ANKK1: variants seen among roughly 807,000 people sequenced by gnomAD.
ANKK1 encodes the protein ankyrin repeat and protein kinase domain-containing protein 1.
ANKK1 carries 37 observed loss-of-function variants against 37.6 expected under a neutral mutation model. That is an observed-to-expected ratio of 0.98 (90% confidence interval 0.76 to 1.29). The LOEUF is 1.29. ANKK1 is among the 50% of genes most tolerant of loss of function. The pLI is 0.00. For synonymous variants in ANKK1, 415 were observed against 418.7 expected, an observed-to-expected ratio of 0.99 and a Z score of 0.11; for missense variants, 1,019 against 990.6, an observed-to-expected ratio of 1.03 and a Z score of -0.39.
At chr11:113,394,282 C>T (rs972709930) in intron 2 of ANKK1, among the ~76,000 whole-genome samples, 1 of 152,148 alleles carries the variant, frequency 6.6e-6, no homozygotes, top group African/African-American at 2.4e-5. Context: ...TTCACTGTAC[C>T]TCTGATTCTC....
At chr11:113,396,432 T>C (rs910589419) in intron 5 of ANKK1, among the ~76,000 whole-genome samples, 1 of 151,328 alleles carries the variant, frequency 6.6e-6, no homozygotes, top group Non-Finnish European at 1.5e-5. Flanking sequence ...CTCAAACTCC[T>C]GGGCTCAAGA....
At chr11:113,388,205 A>T (rs1950561797) in intron 1 of ANKK1, 136 bp downstream of exon 1, 1 of 1,206,142 alleles carries the variant, frequency 8.3e-7, no homozygotes, top group African/African-American at 1.6e-5. Flanking sequence ...TCTGAATTCC[A>T]CCCAGTAGCC....
intron 4 of ANKK1, among the ~76,000 whole-genome samples, 169 bp downstream of exon 4, chr11:113,395,577 A>G (rs1950631349): frequency 6.6e-6 from 1 of 151,874 alleles, no homozygotes; most frequent in African/African-American, 2.4e-5. Flanking sequence ...TCCTGCCTCT[A>G]TTTCTAGAGC....
At position 113,393,465 on chromosome 11, in the gene ANKK1, C is replaced by T; in HGVS notation, c.186-16C>T. 1 of 1,599,818 alleles carries T rather than the reference C, an allele frequency of 6.3e-7. No individual in the cohort carries two copies. The highest frequency in any genetic ancestry group is 1.1e-5 in the South Asian group (1 of 88,734). Reference sequence around the variant, plus strand: ...ATGGGTCACCCCCTTCCATATCTTGCTCCCCCTCTCCATAGCTCTGATGTG... The same window carrying T: ...ATGGGTCACCCCCTTCCATATCTTGTTCCCCCTCTCCATAGCTCTGATGTG... On this transcript the variant is annotated splice_polypyrimidine_tract_variant and intron_variant, in intron 1 of 7. Coordinates refer to ENST00000303941, the MANE Select transcript of ANKK1 (RefSeq NM_178510.2).
intron 3 of ANKK1, 132 bp downstream of exon 3, chr11:113,395,212 T>A: frequency 6.7e-7 from 1 of 1,491,286 alleles, no homozygotes; most frequent in South Asian, 1.3e-5. Flanking sequence ...GGACTCTGGC[T>A]GGAGAGGCAG....
intron 5 of ANKK1, 84 bp downstream of exon 5, chr11:113,396,306 G>T: frequency 6.6e-7 from 1 of 1,514,368 alleles, no homozygotes; most frequent in Non-Finnish European, 8.9e-7. Flanking sequence ...TGGGAGCTAT[G>T]CAGAGAGACA....
chr11:113,392,724 C>T (rs1325035902), intron 1 of ANKK1, among the ~76,000 whole-genome samples: 1 of 152,164 alleles, frequency 6.6e-6, no homozygotes, highest in Non-Finnish European at 1.5e-5. Context: ...TCCAATTCAA[C>T]AAAGATGTAT....
rs748510327 is a variant in ANKK1, at chr11:113,395,069, T to A, written c.621T>A (p.Tyr207Ter). 1 of 1,609,920 alleles carries A rather than the reference T, an allele frequency of 6.2e-7. No individual in the cohort carries two copies. Among genetic ancestry groups the A allele is most frequent in the East Asian group, 2.2e-5 (1 of 44,800 alleles). Reference protein sequence around the residue: ...LESNKAPGPKYDVYSFAIVIW... With the variant: ...LESNKAPGPK ...GTAACAAGGCCCCAGGACCTAAATA[T>A]GATGTGTACAGGTGAGAAGGAGGCC... Residue 207 changes from tyrosine (Y) to a stop codon, truncating the protein, a stop_gained, in exon 3 of 8, where the codon TAT (tyrosine) becomes TAA (stop). Coordinates refer to ENST00000303941, the MANE Select transcript of ANKK1 (RefSeq NM_178510.2). LOFTEE classifies it high-confidence loss of function.
intron 1 of ANKK1, 48 bp from the exon 2 acceptor site, chr11:113,393,433 G>C: frequency 6.4e-7 from 1 of 1,559,568 alleles, no homozygotes; most frequent in African/African-American, 1.4e-5. Context: ...GGTTGCTGTA[G>C]TAATGAATGG....
intron 1 of ANKK1, among the ~76,000 whole-genome samples, chr11:113,390,476 C>G (rs531548268): frequency 1.3e-5 from 2 of 152,188 alleles, no homozygotes; most frequent in East Asian, 3.9e-4. Flanking sequence ...TGGTGGCTCA[C>G]GCTTGTAATC....
intron 1 of ANKK1, among the ~76,000 whole-genome samples, chr11:113,393,223 T>C (rs905300406): frequency 2.0e-5 from 3 of 152,206 alleles, no homozygotes; most frequent in African/African-American, 7.2e-5. Flanking sequence ...CCTGCTTTTT[T>C]GTGGCCACCT....
rs1950610965 is a variant in ANKK1, at chr11:113,393,744, A to C, written c.449A>C (p.Asn150Thr). ...PLLHLDLKPG[N>T]ILLDSNMHVK... ...CTCCACCTGGACCTCAAGCCGGGCA[A>C]CATACTCCTGGACAGCAACATGCAT... Residue 150 changes from asparagine (N) to threonine (T), a missense_variant, in exon 2 of 8, where the codon AAC (asparagine) becomes ACC (threonine). Asn to Thr is a moderately conservative substitution (Grantham distance 65, BLOSUM62 0). Coordinates refer to ENST00000303941, the MANE Select transcript of ANKK1 (RefSeq NM_178510.2). 1 of 1,611,858 alleles carries C rather than the reference A, an allele frequency of 6.2e-7. No homozygotes were observed. The highest frequency in any genetic ancestry group is 1.7e-5 in the Admixed American group (1 of 59,990).
intron 4 of ANKK1, 88 bp from the exon 5 acceptor site, chr11:113,395,976 CTGT>C: frequency 6.8e-7 from 1 of 1,472,676 alleles, no homozygotes; most frequent in Non-Finnish European, 9.3e-7. Flanking sequence ...CGTGCATGCC[CTGT>C]TGGGATCCTC....
intron 4 of ANKK1, 98 bp from the exon 5 acceptor site, chr11:113,395,969 G>T (rs1950634347): frequency 7.1e-7 from 1 of 1,415,494 alleles, no homozygotes; most frequent in Non-Finnish European, 9.8e-7. Context: ...CCCACTGCGT[G>T]CATGCCCTGT....
chr11:113,399,409 G>T lies in ANKK1; in HGVS notation c.1440G>T (p.Leu480=). 6.2e-7 allele frequency: 1 copy of T among 1,600,602 alleles called. No homozygotes were observed. The change falls in exon 8 of 8, where the codon CTG becomes CTT. Residue 480 remains leucine (L), a synonymous_variant. Transcript: ENST00000303941. ...QNNFENVARL[L]VSRQADPNLH... ...ACTTTGAGAATGTGGCACGGCTTCT[G>T]GTCTCCCGTCAGGCTGACCCCAACC...
intron 1 of ANKK1, among the ~76,000 whole-genome samples, chr11:113,391,358 A>G (rs1950585640): frequency 6.6e-6 from 1 of 152,252 alleles, no homozygotes; most frequent in Non-Finnish European, 1.5e-5. Context: ...GAGGAGAGCC[A>G]TTGGAGAAGG....
At chr11:113,396,918 A>G (rs1380276637) in intron 5 of ANKK1, among the ~76,000 whole-genome samples, 1 of 152,210 alleles carries the variant, frequency 6.6e-6, no homozygotes. Context: ...AGGATGGCCC[A>G]TGAGCTCATC....
chr11:113,399,596 A>T lies in ANKK1; in HGVS notation c.1627A>T (p.Ile543Phe). ...AGTAGAGCGGGGCAAAGTGAGGGCC[A>T]TCCAACACCTGCTGAAGAGTGGAGC... The part of the protein sequence containing the change: ...LAVERGKVRA[I>F]QHLLKSGAVP... Residue 543 changes from isoleucine (I) to phenylalanine (F), a missense_variant, in exon 8 of 8, where the codon ATC becomes TTC. By Grantham distance (21) the Ile-to-Phe change is conservative. Coordinates refer to ENST00000303941, the MANE Select transcript of ANKK1 (RefSeq NM_178510.2). The T allele has an allele frequency of 6.2e-7, 1 of 1,606,604 alleles. No homozygotes were observed.
Position 113,395,026 on chromosome 11 carries a change from C to G in ANKK1, c.578C>G (p.Pro193Arg). ...CGGGGCATGCTCAGCTACATCCCCCCTGAGATGTTCCTGGAGAGTAACAAG... is the reference window on the plus strand; with the variant it reads ...CGGGGCATGCTCAGCTACATCCCCCGTGAGATGTTCCTGGAGAGTAACAAG... ...ALRGMLSYIP[P>R]EMFLESNKAP... Residue 193 changes from proline to arginine, a missense_variant, in exon 3 of 8, where the codon CCT becomes CGT. By Grantham distance (103) the Pro-to-Arg change is moderately radical. Transcript: ENST00000303941. 2 of 1,613,420 alleles carry G rather than the reference C, an allele frequency of 1.2e-6. No homozygotes were observed. The highest frequency in any genetic ancestry group is 1.7e-6 in the Non-Finnish European group (2 of 1,179,674).
Sources: allele counts gnomAD v4.1 joint callset (sites outside exome capture counted in the v4.1 genomes callset), GRCh38; gene constraint gnomAD v4.1.1; transcripts MANE v1.5; gene names NCBI Gene and HGNC (gene_info 2026-07-23, HGNC 2026-07-21).